The following NUP210L variants were observed in gnomAD, a reference collection of about 807,000 sequenced individuals.
The protein encoded by NUP210L is nuclear pore membrane glycoprotein 210-like.
Under a neutral mutation model 208.5 loss-of-function variants are expected in NUP210L, and 74 were observed. The ratio of observed to expected loss-of-function variants is 0.35; its 90% CI spans 0.29 to 0.43. The LOEUF is 0.43. Among genes scored for constraint, NUP210L ranks in the 20% least tolerant of loss-of-function variants. The probability of loss-of-function intolerance (pLI) is 1.00; values close to 1 mark genes in which losing one functional copy is unlikely to be tolerated. For synonymous variants in NUP210L, 780 were observed against 816.9 expected (o/e 0.95, Z 0.77); for missense variants, 1,843 against 2,289.4 (o/e 0.81, Z 3.98).
At chr1:154,141,728 G>A (rs1014895753) in intron 3 of NUP210L, among the ~76,000 whole-genome samples, 3 of 152,294 alleles carry the variant, frequency 2.0e-5, no homozygotes, top group South Asian at 2.1e-4. Flanking sequence ...TGCACAAGCT[G>A]TCTGAAAGTA....
At chr1:154,027,374 G>A in intron 29 of NUP210L, 132 bp downstream of exon 29, 1 of 624,496 alleles carries the variant, frequency 1.6e-6, no homozygotes, top group Non-Finnish European at 2.8e-6. Flanking sequence ...TACATTATGG[G>A]AATTTCACCT....
intron 15 of NUP210L, among the ~76,000 whole-genome samples, chr1:154,093,610 C>A (rs1260014981): frequency 6.6e-6 from 1 of 151,858 alleles, no homozygotes; most frequent in Admixed American, 6.6e-5. Flanking sequence ...AGTGTGAGAA[C>A]CTGTCTCTAA....
rs558073457 is a variant in NUP210L at position 154,056,854 on chromosome 1, C to G, written c.3201G>C (p.Lys1067Asn). The G allele has an allele frequency of 2.5e-6, 4 of 1,598,110 alleles. No homozygotes were observed. The Admixed American group carries it at 5.4e-5, about 22-fold the overall frequency. ...GAGTTGATGTGTATTTTCTTCCCATCTTGTCCTTGGCAATAGCCACAAGTG... is the reference window on the plus strand; with the variant it reads ...GAGTTGATGTGTATTTTCTTCCCATGTTGTCCTTGGCAATAGCCACAAGTG... The change falls in exon 23 of 40, where the codon AAG (lysine) becomes AAC (asparagine). Residue 1067 changes from lysine (K) to asparagine (N), a missense_variant. By Grantham distance (94) the Lys-to-Asn change is moderately conservative. Around this residue, in one of 5 missense-constraint regions of NUP210L, gnomAD observed 781 missense variants for 973.8 expected, o/e 0.80. Transcript: ENST00000368559.
At position 154,010,027 on chromosome 1, in the gene NUP210L, T is replaced by G. The variant is rs771212121; in HGVS notation, c.4875A>C (p.Leu1625=). ...GAAAGACTTTACTTGCTGGAATGTC[T>G]AGCAAAGTATTACTGAACTGTACAT... Residue 1625 remains leucine, a synonymous_variant, in exon 35 of 40, where the codon CTA becomes CTC. Coordinates refer to ENST00000368559, the Ensembl canonical transcript of NUP210L. 4.3e-6 allele frequency: 7 copies of G among 1,613,182 alleles called. No individual in the cohort carries two copies. The East Asian group carries it at 1.6e-4, about 36-fold the overall frequency.
chr1:154,135,941 C>T, exon 7 of NUP210L: 3 of 1,607,006 alleles, frequency 1.9e-6, no homozygotes, highest in Non-Finnish European at 2.6e-6. Context: ...CTTGCAATTC[C>T]AGTATATAAT....
At chr1:154,114,014 G>A (rs570126937) in intron 12 of NUP210L, among the ~76,000 whole-genome samples, 30 of 151,762 alleles carry the variant, frequency 2.0e-4, no homozygotes, top group African/African-American at 7.0e-4. Context: ...GTGGTAGTGG[G>A]CGCCTGTAAT....
chr1:154,063,117 T>C (rs1654225117), intron 17 of NUP210L, among the ~76,000 whole-genome samples: 1 of 152,072 alleles, frequency 6.6e-6, no homozygotes, highest in Admixed American at 6.6e-5. Context: ...CATAGTTTAG[T>C]GAGGGGAGAC....
At position 154,135,979 on chromosome 1, in the gene NUP210L, G is replaced by A. The variant is rs767992950; in HGVS notation, c.851-7C>T. ...TCCAGGGGAAATTTCACCTCTGTAAGACATGAAAGATACATAAATGTAATG... is the reference window on the plus strand; with the variant it reads ...TCCAGGGGAAATTTCACCTCTGTAAAACATGAAAGATACATAAATGTAATG... On this transcript the variant is annotated splice_polypyrimidine_tract_variant and splice_region_variant and intron_variant, in intron 6 of 39. Coordinates refer to ENST00000368559, the Ensembl canonical transcript of NUP210L. 5.1e-6 allele frequency: 8 copies of A among 1,582,200 alleles called. No homozygotes were observed. Among genetic ancestry groups the A allele is most frequent in the Middle Eastern group, 1.7e-4 (1 of 6,038 alleles).
At chr1:154,050,855 T>C (rs1344054263) in intron 25 of NUP210L, among the ~76,000 whole-genome samples, 1 of 152,204 alleles carries the variant, frequency 6.6e-6, no homozygotes, top group Non-Finnish European at 1.5e-5. Flanking sequence ...ATGGTAAAGC[T>C]TCTTATTCTG....
intron 7 of NUP210L, among the ~76,000 whole-genome samples, chr1:154,131,220 C>A (rs1656996286): frequency 6.8e-6 from 1 of 147,048 alleles, no homozygotes; most frequent in South Asian, 2.1e-4. Flanking sequence ...TGCAGTGAGC[C>A]AAGATGGCGC....
rs71584176 is a variant in NUP210L, at chr1:154,124,192, G to GAA, written c.1326+2129_1326+2130dup. On this transcript the variant is annotated intron_variant, in intron 10 of 39. Transcript: ENST00000368559. The stretch of plus-strand genomic sequence containing the variant: ...ACAGAGTGAGACTCCATCTCAAAAA[G>GAA]AAAAAAAAAAAAAAAGAGAGAGAGA... Among the ~76,000 whole-genome samples, 242 of 120,116 alleles carry GAA rather than the reference G, an allele frequency of 2.0e-3. 2 individuals are homozygous for GAA. The highest frequency in any genetic ancestry group is 4.5e-3 in the Middle Eastern group (1 of 224). The allele number at this position is 120,116 out of a possible 152,430, so 78.8% of individuals were successfully genotyped here. A position where few individuals can be genotyped will look rare whatever the true frequency, so the allele number is the denominator to read the frequency against.
At chr1:154,135,386 A>C (rs1658479995) in intron 7 of NUP210L, among the ~76,000 whole-genome samples, 1 of 152,146 alleles carries the variant, frequency 6.6e-6, no homozygotes, top group African/African-American at 2.4e-5. Flanking sequence ...CTTTATTAAA[A>C]ATAAAACCTA....
At chr1:154,150,683 G>A (rs1264063960) in intron 2 of NUP210L, among the ~76,000 whole-genome samples, 3 of 54,932 alleles carry the variant, frequency 5.5e-5, no homozygotes, top group Non-Finnish European at 5.8e-5. Flanking sequence ...AGCCAAGATC[G>A]CGCCATTGCA....
intron 4 of NUP210L, among the ~76,000 whole-genome samples, chr1:154,140,405 G>C (rs545476850): frequency 6.0e-5 from 9 of 149,562 alleles, no homozygotes; most frequent in African/African-American, 2.2e-4. Context: ...AGTGGCTCAC[G>C]CCTATAATCC....
chr1:154,089,537 C>G, exon 16 of NUP210L: 1 of 1,614,168 alleles, frequency 6.2e-7, no homozygotes, highest in Non-Finnish European at 8.5e-7. Flanking sequence ...TGCAAAACCT[C>G]TACAGCTGGA....
At chr1:154,064,381 C>T (rs1654290431) in intron 17 of NUP210L, among the ~76,000 whole-genome samples, 1 of 152,064 alleles carries the variant, frequency 6.6e-6, no homozygotes, top group Admixed American at 6.6e-5. Flanking sequence ...GGCATGAGGG[C>T]TTGTTGCCTT....
chr1:154,040,469 G>A (rs1652809334), intron 27 of NUP210L, among the ~76,000 whole-genome samples: 1 of 151,984 alleles, frequency 6.6e-6, no homozygotes, highest in Non-Finnish European at 1.5e-5. Context: ...GAGAAATAGT[G>A]TACAAGAGAT....
At chr1:154,034,731 G>A (rs1267103072) in intron 27 of NUP210L, among the ~76,000 whole-genome samples, 1 of 151,924 alleles carries the variant, frequency 6.6e-6, no homozygotes, top group Admixed American at 6.6e-5. Flanking sequence ...TAGATTGTAT[G>A]TATCTAGGAA....
chr1:154,083,214 T>G (rs1336532046), intron 16 of NUP210L, among the ~76,000 whole-genome samples: 1 of 152,198 alleles, frequency 6.6e-6, no homozygotes, highest in Non-Finnish European at 1.5e-5. Context: ...TACAGAGTGC[T>G]GATTGGTCCA....
Sources: gnomAD v4.1 joint callset for allele counts (sites outside exome capture counted in the v4.1 genomes callset) on GRCh38, gnomAD v4.1.1 for gene constraint, gnomAD v4.1.1 regional missense constraint, MANE v1.5 for transcripts, NCBI Gene and HGNC (gene_info 2026-07-23, HGNC 2026-07-21) for gene names.